The following CES2 variants were observed in gnomAD, a reference collection of about 807,000 sequenced individuals.
The protein encoded by CES2 is cocaine esterase.
In CES2, 42 loss-of-function variants were observed where a neutral mutation model predicts 52.1. The ratio of observed to expected loss-of-function variants is 0.81; its 90% CI spans 0.63 to 1.04. CES2 has a LOEUF of 1.04. Among genes scored for constraint, CES2 ranks in the 50% least tolerant of loss-of-function variants. CES2 has a pLI of 0.00. For synonymous variants in CES2, 277 were observed against 289.6 expected (o/e 0.96, Z 0.44); for missense variants, 656 against 724.3 (o/e 0.91, Z 1.08).
intron 3 of CES2, 143 bp downstream of exon 3, chr16:66,939,501 AC>A: frequency 1.1e-6 from 1 of 876,272 alleles, no homozygotes; most frequent in Non-Finnish European, 1.7e-6. Flanking sequence ...AATGCTCCTT[AC>A]CCAGACTGGG....
At chr16:66,939,910 G>A (rs1963314049) in intron 3 of CES2, among the ~76,000 whole-genome samples, 1 of 152,216 alleles carries the variant, frequency 6.6e-6, no homozygotes, top group Non-Finnish European at 1.5e-5. Context: ...TCACTATGTG[G>A]TTCAGGCTAA....
Position 66,942,153 on chromosome 16 carries a change from G to C in CES2, c.1186G>C (p.Asp396His), listed in dbSNP as rs1963382974. The change falls in exon 9 of 12, where the codon GAC becomes CAC. Residue 396 changes from aspartate to histidine, a missense_variant. Physicochemically the swap from Asp to His is moderately conservative, Grantham distance 81. Coordinates refer to ENST00000317091, the MANE Select transcript of CES2 (RefSeq NM_001365405.1). ...GDLLREEYIG[D>H]NGDPQTLQAQ... ...CCTGCTGAGGGAGGAGTACATTGGG[G>C]ACAATGGGGATCCCCAGACCCTCCA... The C allele has an allele frequency of 6.2e-7, 1 of 1,613,656 alleles. No homozygotes were observed. The highest frequency in any genetic ancestry group is 1.3e-5 in the African/African-American group (1 of 75,046).
At position 66,944,316 on chromosome 16, in the gene CES2, A is replaced by G; in HGVS notation, c.*291A>G. On this transcript the variant is annotated 3_prime_UTR_variant, in exon 12 of 12. Transcript: ENST00000317091. ...AGTGAGACCCCTTCTCAAAAAAAAA[A>G]AAAAAAAAGAGAGAGTGTGTGATTA... 1 of 221,662 alleles carries G rather than the reference A, an allele frequency of 4.5e-6. No individual in the cohort carries two copies. Among genetic ancestry groups the G allele is most frequent in the Non-Finnish European group, 7.9e-6 (1 of 127,164 alleles). The allele number at this position is 221,662 out of a possible 1,614,324, so 13.7% of individuals were successfully genotyped here.
At position 66,938,237 on chromosome 16, in the gene CES2, G is replaced by T. The variant is rs746232972; in HGVS notation, c.277G>T (p.Ala93Ser). 6.2e-7 allele frequency: 1 copy of T among 1,611,934 alleles called. No individual in the cohort carries two copies. Among genetic ancestry groups the T allele is most frequent in the South Asian group, 1.1e-5 (1 of 91,026 alleles). ...TGTGAGGGATGGAACCACCCATCCG[G>T]CCATGTAAGCTCTCCAAGGGGTCCA... ...SGVRDGTTHPAMCLQDLTAVE... is the reference protein window; with the variant it reads ...SGVRDGTTHPSMCLQDLTAVE... Residue 93 changes from alanine (A) to serine (S), a missense_variant, in exon 2 of 12, where the codon GCC (alanine) becomes TCC (serine). Coordinates refer to ENST00000317091, the MANE Select transcript of CES2 (RefSeq NM_001365405.1).
Position 66,940,608 on chromosome 16 carries a change from C to G in CES2, c.729C>G (p.Ser243=). ...CTTCGCTTGTTGTGTCCCCCATATCCCAAGGACTCTTCCACGGAGCCATCA... is the reference window on the plus strand; with the variant it reads ...CTTCGCTTGTTGTGTCCCCCATATCGCAAGGACTCTTCCACGGAGCCATCA... ...SVSSLVVSPI[S]QGLFHGAIME... Residue 243 remains serine, a synonymous_variant, in exon 5 of 12, where the codon TCC becomes TCG. Coordinates refer to ENST00000317091, the MANE Select transcript of CES2 (RefSeq NM_001365405.1). 6.2e-7 allele frequency: 1 copy of G among 1,614,216 alleles called. No individual in the cohort carries two copies.
Position 66,941,105 on chromosome 16 carries a change from C to T in CES2, c.817-19C>T. ...TCTACCTGGAAGGATGAGCCAGCCC[C>T]TGCCTGGTCCCTTTACAGGTGGTGG... On this transcript the variant is annotated intron_variant, in intron 5 of 11. Transcript: ENST00000317091. 4 of 1,613,672 alleles carry T rather than the reference C, an allele frequency of 2.5e-6. No individual in the cohort carries two copies. Among genetic ancestry groups the T allele is most frequent in the Non-Finnish European group, 3.4e-6 (4 of 1,179,900 alleles).
rs778169832 is a variant in CES2 at position 66,941,509 on chromosome 16, T to C, written c.919T>C (p.Phe307Leu). 6.2e-7 allele frequency: 1 copy of C among 1,613,910 alleles called. No homozygotes were observed. ...KEEILAINKP[F>L]KMIPGVVDGV... is the part of the protein sequence containing the mutation. ...CTGACCTTACATTTCCCCTCAGCCT[T>C]TCAAGATGATCCCCGGAGTGGTGGA... The change falls in exon 7 of 12, where the codon TTC becomes CTC. Residue 307 changes from phenylalanine (F) to leucine (L), a missense_variant. Phe to Leu is a conservative substitution (Grantham distance 22, BLOSUM62 0). Coordinates refer to ENST00000317091, the MANE Select transcript of CES2 (RefSeq NM_001365405.1).
chr16:66,935,372 G>A, upstream of CES2: 1 of 1,476,026 alleles, frequency 6.8e-7, no homozygotes, highest in Non-Finnish European at 9.2e-7. Context: ...CCCTTCCGAG[G>A]ATGCCAAAGG....
intron 10 of CES2, 23 bp downstream of exon 10, chr16:66,942,808 G>A: frequency 6.2e-7 from 1 of 1,614,006 alleles, no homozygotes; most frequent in African/African-American, 1.3e-5. Flanking sequence ...CCTTTCCCGG[G>A]AGGTGGGCTG....
rs1329736965 is a variant in CES2 at position 66,941,182 on chromosome 16, T to C, written c.875T>C (p.Leu292Pro). The change falls in exon 6 of 12, where the codon CTG becomes CCG. Residue 292 changes from leucine to proline, a missense_variant. Coordinates refer to ENST00000317091, the MANE Select transcript of CES2 (RefSeq NM_001365405.1). ...QVDSEALVGC[L>P]RGKSKEEILA... ...GACTCTGAGGCCCTGGTGGGCTGCC[T>C]GCGGGGCAAGAGTAAAGAGGAGATT... is the stretch of plus-strand genomic sequence containing the variant. 6.2e-7 allele frequency: 1 copy of C among 1,614,018 alleles called. No individual in the cohort carries two copies. Among genetic ancestry groups the C allele is most frequent in the Non-Finnish European group, 8.5e-7 (1 of 1,180,016 alleles).
At chr16:66,941,025 T>C in intron 5 of CES2, 99 bp from the exon 6 acceptor site, 1 of 1,525,750 alleles carries the variant, frequency 6.6e-7, no homozygotes. Flanking sequence ...CGAAGTACCC[T>C]CTGAGATTTG....
At chr16:66,942,575 T>C (rs1597010419) in intron 9 of CES2, 73 bp from the exon 10 acceptor site, 2 of 1,555,872 alleles carry the variant, frequency 1.3e-6, no homozygotes, top group East Asian at 4.5e-5. Context: ...GACCTAGGTA[T>C]CTTATCACCA....
chr16:66,937,913 C>T (rs1963252236), intron 1 of CES2, 124 bp from the exon 2 acceptor site: 3 of 769,348 alleles, frequency 3.9e-6, no homozygotes, highest in Non-Finnish European at 6.5e-6. Flanking sequence ...GTTTGTAAAG[C>T]CCATGTTTAC....
chr16:66,936,271 C>A (rs1963214365), intron 1 of CES2, among the ~76,000 whole-genome samples: 1 of 152,158 alleles, frequency 6.6e-6, no homozygotes, highest in Non-Finnish European at 1.5e-5. Flanking sequence ...CTCCTTTAAT[C>A]CCACCACTTT....
At chr16:66,938,914 G>A (rs1382678575) in intron 2 of CES2, among the ~76,000 whole-genome samples, 3 of 152,158 alleles carry the variant, frequency 2.0e-5, no homozygotes, top group Non-Finnish European at 2.9e-5. Context: ...ATATAGTGGT[G>A]AATGTCAACA....
chr16:66,941,559 C>T lies in CES2; in HGVS notation c.969C>T (p.Pro323=). 1 of 1,614,140 alleles carries T rather than the reference C, an allele frequency of 6.2e-7. No homozygotes were observed. The highest frequency in any genetic ancestry group is 8.5e-7 in the Non-Finnish European group (1 of 1,180,004). The stretch of plus-strand genomic sequence containing the variant: ...ATGGGGTCTTCCTGCCCAGGCACCC[C>T]CAGGAGCTGCTGGCCTCTGCCGACT... The part of the protein sequence containing the change: ...VVDGVFLPRH[P]QELLASADFQ... Residue 323 remains proline (P), a synonymous_variant, in exon 7 of 12, where the codon CCC becomes CCT. Coordinates refer to ENST00000317091, the MANE Select transcript of CES2 (RefSeq NM_001365405.1).
chr16:66,934,603 C>T (rs1043047451), upstream of CES2: 5 of 594,474 alleles, frequency 8.4e-6, no homozygotes, highest in Non-Finnish European at 1.4e-5. The surrounding 1 kb of genome is among the most constrained non-coding windows in gnomAD (Gnocchi z 4.1). Flanking sequence ...GGCGCTGGGT[C>T]GTGCGAGCCA....
rs1415824150 is a variant in CES2 at position 66,943,549 on chromosome 16, T to C, written c.1493+178T>C. The stretch of plus-strand genomic sequence containing the variant: ...GGGGTGCGTGGGGCAGTGGACACGC[T>C]CTATCTCTCCAGTCTACCTGGAGGG... On this transcript the variant is annotated intron_variant, in intron 11 of 11. Transcript: ENST00000317091. This position sits in a 1 kb window ranked among gnomAD's most constrained non-coding sequence, Gnocchi z 4.2. The C allele has an allele frequency of 1.5e-6, 1 of 653,920 alleles. No homozygotes were observed. The highest frequency in any genetic ancestry group is 1.9e-5 in the South Asian group (1 of 52,814). The allele number at this position is 653,920 out of a possible 1,614,324, so 40.5% of individuals were successfully genotyped here.
intron 1 of CES2, 192 bp downstream of exon 1, chr16:66,935,903 C>T (rs1821512478): frequency 2.1e-6 from 3 of 1,459,706 alleles, no homozygotes; most frequent in East Asian, 5.0e-5. Flanking sequence ...CAGAAAGGGT[C>T]GGGCTGGGGG....
Sources: gnomAD v4.1 joint callset for allele counts (sites outside exome capture counted in the v4.1 genomes callset) on GRCh38, gnomAD v4.1.1 for gene constraint, Gnocchi (gnomAD v3.1) non-coding constraint, MANE v1.5 for transcripts, NCBI Gene and HGNC (gene_info 2026-07-23, HGNC 2026-07-21) for gene names.